Variants in DLG2 observed in about 807,000 individuals in gnomAD.
DLG2 encodes disks large homolog 2.
DLG2 carries 45 observed loss-of-function variants against 132.5 expected under a neutral mutation model. The observed-to-expected ratio is 0.34, with a 90% confidence interval of 0.27 to 0.44. The LOEUF (loss-of-function observed/expected upper bound fraction) is 0.44, where lower values mean the gene tolerates loss of function less well. Among genes scored for constraint, DLG2 ranks in the 20% least tolerant of loss-of-function variants. The probability of loss-of-function intolerance (pLI) is 1.00; values close to 1 mark genes in which losing one functional copy is unlikely to be tolerated. For synonymous variants in DLG2, 424 were observed against 419.6 expected, an observed-to-expected ratio of 1.01 and a Z score of -0.13; for missense variants, 1,045 against 1,196.9, an observed-to-expected ratio of 0.87 and a Z score of 1.87.
chr11:84,041,892 A>G (rs1259935146), intron 11 of DLG2, among the ~76,000 whole-genome samples: 1 of 151,864 alleles, frequency 6.6e-6, no homozygotes, highest in Non-Finnish European at 1.5e-5. Context: ...TTCTTGTGAT[A>G]GTGAATGAGT....
At chr11:85,589,916 G>A (rs1409440395) in intron 3 of DLG2, among the ~76,000 whole-genome samples, 2 of 151,938 alleles carry the variant, frequency 1.3e-5, no homozygotes, top group Admixed American at 1.3e-4. Flanking sequence ...CAAAATTATT[G>A]TAAAAATCAC....
intron 9 of DLG2, among the ~76,000 whole-genome samples, chr11:84,106,902 G>GGT (rs147051402): frequency 1.5e-5 from 2 of 137,278 alleles, no homozygotes; most frequent in African/African-American, 5.5e-5. Context: ...AGCTTTAGGG[G>GGT]GTGTGTGTGT....
At chr11:84,638,379 C>A (rs1037482604) in intron 6 of DLG2, among the ~76,000 whole-genome samples, 2 of 152,156 alleles carry the variant, frequency 1.3e-5, no homozygotes, top group Non-Finnish European at 2.9e-5. Flanking sequence ...TGTGGGTTTA[C>A]TATGTGCCAA....
chr11:85,221,208 A>T (rs553112546), intron 4 of DLG2, among the ~76,000 whole-genome samples: 1 of 151,998 alleles, frequency 6.6e-6, no homozygotes, highest in African/African-American at 2.4e-5. Context: ...ACACCCGGCT[A>T]ATTTTTTGTA....
At chr11:84,743,011 G>GACCCT (rs1416237163) in intron 6 of DLG2, among the ~76,000 whole-genome samples, 1 of 152,026 alleles carries the variant, frequency 6.6e-6, no homozygotes, top group Non-Finnish European at 1.5e-5. Flanking sequence ...ATATCATAGA[G>GACCCT]ACCCTAGTAG....
intron 3 of DLG2, among the ~76,000 whole-genome samples, chr11:85,311,151 A>C (rs1409112018): frequency 4.6e-5 from 7 of 152,158 alleles, no homozygotes; most frequent in Admixed American, 2.6e-4. Context: ...CCACAGCCTA[A>C]AATATTTGCT....
chr11:84,319,752 T>C (rs549688593), intron 7 of DLG2, among the ~76,000 whole-genome samples: 1 of 152,364 alleles, frequency 6.6e-6, no homozygotes, highest in African/African-American at 2.4e-5. Flanking sequence ...TGTCATTTCT[T>C]TATAGTTAAA....
At chr11:83,862,510 A>G (rs924500052) in intron 16 of DLG2, among the ~76,000 whole-genome samples, 1 of 152,184 alleles carries the variant, frequency 6.6e-6, no homozygotes, top group African/African-American at 2.4e-5. Flanking sequence ...AAATTTATAA[A>G]GAATGAATAA....
chr11:84,680,165 G>A (rs556165021), intron 6 of DLG2, among the ~76,000 whole-genome samples: 1 of 152,156 alleles, frequency 6.6e-6, no homozygotes, highest in South Asian at 2.1e-4. Flanking sequence ...TCAAACCATA[G>A]TCAACCTCCT....
At chr11:84,080,511 T>C (rs922647604) in intron 10 of DLG2, among the ~76,000 whole-genome samples, 4 of 152,152 alleles carry the variant, frequency 2.6e-5, no homozygotes, top group African/African-American at 9.7e-5. Context: ...CAATCAATCA[T>C]TATGGGATGC....
intron 18 of DLG2, among the ~76,000 whole-genome samples, chr11:83,760,222 G>C (rs182125788): frequency 9.2e-5 from 14 of 152,288 alleles, no homozygotes. Context: ...GGCAGAAATT[G>C]TCTCCAGGCT....
chr11:85,195,391 T>A (rs1046450119), intron 4 of DLG2, among the ~76,000 whole-genome samples: 4 of 151,988 alleles, frequency 2.6e-5, no homozygotes, highest in Non-Finnish European at 5.9e-5. Context: ...GCCCTACCCC[T>A]GTGGAATTTA....
intron 7 of DLG2, among the ~76,000 whole-genome samples, chr11:84,511,766 C>T (rs1383859267): frequency 2.0e-5 from 3 of 152,112 alleles, no homozygotes; most frequent in Admixed American, 1.3e-4. Context: ...TCAAGACTTG[C>T]TTGATGATAA....
At chr11:83,561,422 T>C (rs374323632) in intron 19 of DLG2, among the ~76,000 whole-genome samples, 3 of 152,194 alleles carry the variant, frequency 2.0e-5, no homozygotes, top group Non-Finnish European at 2.9e-5. Context: ...GCATGCTGCA[T>C]CCCATGGACC....
chr11:84,377,199 G>C (rs2098732868), intron 7 of DLG2, among the ~76,000 whole-genome samples: 1 of 151,800 alleles, frequency 6.6e-6, no homozygotes, highest in African/African-American at 2.4e-5. Flanking sequence ...TTAGTTTATA[G>C]AAAATATGAA....
At chr11:84,722,561 A>C (rs1322419493) in intron 6 of DLG2, among the ~76,000 whole-genome samples, 2 of 152,328 alleles carry the variant, frequency 1.3e-5, no homozygotes, top group East Asian at 3.9e-4. Flanking sequence ...TATGATGCTT[A>C]TTATAAATAT....
chr11:84,543,552 G>A (rs1417222987), intron 6 of DLG2, among the ~76,000 whole-genome samples: 1 of 152,020 alleles, frequency 6.6e-6, no homozygotes, highest in Non-Finnish European at 1.5e-5. Flanking sequence ...TGGGGTCAAG[G>A]GCCCCACCTG....
At chr11:85,600,436 T>C (rs1044834648) in intron 2 of DLG2, among the ~76,000 whole-genome samples, 10 of 152,204 alleles carry the variant, frequency 6.6e-5, no homozygotes, top group African/African-American at 2.2e-4. Flanking sequence ...TAAAAACTAG[T>C]TCAGATAAAA....
chr11:84,915,559 A>G (rs945722472), intron 6 of DLG2, among the ~76,000 whole-genome samples: 1 of 152,094 alleles, frequency 6.6e-6, no homozygotes, highest in East Asian at 1.9e-4. Context: ...TGTTTTCCAA[A>G]CTTGTCTTAT....
Sources: allele counts gnomAD v4.1 joint callset (sites outside exome capture counted in the v4.1 genomes callset), GRCh38; gene constraint gnomAD v4.1.1; transcripts MANE v1.5; gene names NCBI Gene and HGNC (gene_info 2026-07-23, HGNC 2026-07-21).